Variants in PCDHGA1 observed in about 807,000 individuals in gnomAD.
The protein encoded by PCDHGA1 is protocadherin gamma subfamily A, 1, also known as protocadherin gamma-A1.
In PCDHGA1, 32 loss-of-function variants were observed where a neutral mutation model predicts 58.0. The observed-to-expected ratio is 0.55, with a 90% CI of 0.42 to 0.74. The LOEUF (loss-of-function observed/expected upper bound fraction) is 0.74. PCDHGA1 is among the 30% of genes least tolerant of loss of function. PCDHGA1 has a pLI of 0.00. For missense variants in PCDHGA1, 1,205 were observed against 1,182.3 expected (o/e 1.02, Z -0.28); for synonymous variants, 498 against 501.1 (o/e 0.99, Z 0.08).
intron 1 of PCDHGA1, chr5:141,418,463 C>A (rs1046926260): frequency 1.2e-6 from 2 of 1,613,826 alleles, no homozygotes; most frequent in Non-Finnish European, 1.7e-6. Context: ...GACTCTGGAC[C>A]GAGAAACGCA....
intron 1 of PCDHGA1, among the ~76,000 whole-genome samples, chr5:141,466,225 C>A (rs925594512): frequency 2.0e-5 from 3 of 152,028 alleles, no homozygotes; most frequent in Admixed American, 6.6e-5. Flanking sequence ...GGCTGGAGTG[C>A]AGTGGCACCA....
intron 3 of PCDHGA1, among the ~76,000 whole-genome samples, chr5:141,508,616 G>T (rs1007206932): frequency 6.6e-6 from 1 of 152,114 alleles, no homozygotes; most frequent in African/African-American, 2.4e-5. Flanking sequence ...ATAGGACGTG[G>T]GTGGGCCGAG....
intron 1 of PCDHGA1, among the ~76,000 whole-genome samples, chr5:141,425,819 A>C (rs1183860957): frequency 6.6e-6 from 1 of 152,246 alleles, no homozygotes; most frequent in Non-Finnish European, 1.5e-5. Flanking sequence ...TTAGAAAAAA[A>C]CAAACTTTTA....
chr5:141,409,462 C>G (rs377705841), intron 1 of PCDHGA1: 1 of 1,613,988 alleles, frequency 6.2e-7, no homozygotes, highest in African/African-American at 1.3e-5. Flanking sequence ...AATACAATGT[C>G]ACCATCGTAG....
At chr5:141,389,605 A>T in intron 1 of PCDHGA1, 1 of 1,613,092 alleles carries the variant, frequency 6.2e-7, no homozygotes, top group Non-Finnish European at 8.5e-7. Context: ...GCGCTCTTCG[A>T]TATGGTGCCG....
intron 1 of PCDHGA1, among the ~76,000 whole-genome samples, chr5:141,482,257 T>C (rs2099555476): frequency 1.3e-5 from 2 of 152,156 alleles, no homozygotes; most frequent in Admixed American, 1.3e-4. Context: ...ACTGTACATA[T>C]TAGTTGTTTA....
In PCDHGA1 at chr5:141,409,417, G is replaced by A. The variant is rs774453166; in HGVS notation, c.2421+76312G>A. ...CTTCCAATAACTACTACAAACTGGT[G>A]ACAGATGGAGCCCTGGACCGAGAGC... On this transcript the variant is annotated intron_variant, in intron 1 of 3. Transcript: ENST00000517417. The A allele has an allele frequency of 5.6e-6, 9 of 1,613,880 alleles. No individual in the cohort carries two copies. The South Asian group carries it at 8.8e-5, about 16-fold the overall frequency.
rs1214853229 is a variant in PCDHGA1 at position 141,432,238 on chromosome 5, GAA to G, written c.2422-62568_2422-62567del. ...CCCAGATCACTTATTCCCTGGCTGA[GAA>G]CACCATCCAAGGGGCAAGCCTATCG... On this transcript the variant is annotated intron_variant, in intron 1 of 3. Coordinates refer to ENST00000517417, the MANE Select transcript of PCDHGA1 (RefSeq NM_018912.3). The surrounding 1 kb of genome is among the most constrained non-coding windows in gnomAD (Gnocchi z 6.0). 1 of 1,614,216 alleles carries G rather than the reference GAA, an allele frequency of 6.2e-7. No homozygotes were observed. The highest frequency in any genetic ancestry group is 2.2e-5 in the East Asian group (1 of 44,882).
chr5:141,485,362 G>T lies in PCDHGA1; in HGVS notation c.2422-9445G>T. 6.2e-7 allele frequency: 1 copy of T among 1,614,144 alleles called. No individual in the cohort carries two copies. ...ATACGGACAGTCTGTCAGCTCGCAG[G>T]CTGCAGGTCGCTGGAGAGGTGAACC... is the stretch of plus-strand genomic sequence containing the variant. On this transcript the variant is annotated intron_variant, in intron 1 of 3. Coordinates refer to ENST00000517417, the MANE Select transcript of PCDHGA1 (RefSeq NM_018912.3). The surrounding 1 kb of genome is among the most constrained non-coding windows in gnomAD (Gnocchi z 5.7).
intron 1 of PCDHGA1, chr5:141,367,354 C>A (rs991967780): frequency 2.6e-5 from 4 of 151,972 alleles, no homozygotes; most frequent in African/African-American, 9.7e-5. Flanking sequence ...CTGGCTAACA[C>A]GGTGAAACCC....
intron 1 of PCDHGA1, among the ~76,000 whole-genome samples, chr5:141,461,253 C>A (rs1358900194): frequency 6.6e-6 from 1 of 152,108 alleles, no homozygotes; most frequent in Non-Finnish European, 1.5e-5. Flanking sequence ...ATATTCCCAG[C>A]AGCAATGTGT....
intron 1 of PCDHGA1, chr5:141,413,829 C>T (rs923860929): frequency 1.1e-5 from 18 of 1,613,176 alleles, no homozygotes; most frequent in Non-Finnish European, 1.4e-5. Flanking sequence ...TCCTCACCGC[C>T]TCCGACGGGG....
At chr5:141,438,635 TACAC>T (rs56854727) in intron 1 of PCDHGA1, among the ~76,000 whole-genome samples, 720 of 33,094 alleles carry the variant, frequency 0.022, 7 homozygotes, top group Middle Eastern at 0.05. Context: ...TATATATATA[TACAC>T]ACACACACAC....
At chr5:141,340,674 C>G (rs142481120) in intron 1 of PCDHGA1, 1 of 1,614,234 alleles carries the variant, frequency 6.2e-7, no homozygotes, top group Non-Finnish European at 8.5e-7. Context: ...CCTGCCTTCC[C>G]CACAGACGGT....
intron 1 of PCDHGA1, chr5:141,478,730 G>A: frequency 6.5e-7 from 1 of 1,538,906 alleles, no homozygotes; most frequent in South Asian, 1.2e-5. Flanking sequence ...GCCAGAGTGT[G>A]GTTTGTGGTC....
chr5:141,427,320 G>A (rs920149276), intron 1 of PCDHGA1: 5 of 456,968 alleles, frequency 1.1e-5, no homozygotes, highest in Non-Finnish European at 1.8e-5. Context: ...CCCAGACGTG[G>A]TTTTTACTTC....
chr5:141,364,186 T>A, intron 1 of PCDHGA1: 18 of 1,005,938 alleles, frequency 1.8e-5, no homozygotes, highest in Non-Finnish European at 2.5e-5. Flanking sequence ...CCCTCCATAC[T>A]AAACACACAG....
At position 141,381,826 on chromosome 5, in the gene PCDHGA1, C is replaced by CTTTTTTT. The variant is rs770630741; in HGVS notation, c.2421+48737_2421+48743dup. Among the ~76,000 whole-genome samples the CTTTTTTT allele has an allele frequency of 1.4e-3, 102 of 74,248 alleles. 2 individuals are homozygous for CTTTTTTT. The highest frequency in any genetic ancestry group is 1.7e-3 in the Non-Finnish European group (71 of 42,360). The allele number at this position is 74,248 out of a possible 152,430, so 48.7% of individuals were successfully genotyped here. ...TTTCTTTCTTTCTTTCTTTCTTCTT[C>CTTTTTTT]TTTTTTTTTTTTTTTTTTTTTTGGC... On this transcript the variant is annotated intron_variant, in intron 1 of 3. Transcript: ENST00000517417.
In PCDHGA1 at chr5:141,418,449, A is replaced by G. The variant is rs781224972; in HGVS notation, c.2422-76358A>G. ...GGCAAATATCCAGAATTAGTATTGC[A>G]GAAGACTCTGGACCGAGAAACGCAG... On this transcript the variant is annotated intron_variant, in intron 1 of 3. Coordinates refer to ENST00000517417, the MANE Select transcript of PCDHGA1 (RefSeq NM_018912.3). 8.1e-6 allele frequency: 13 copies of G among 1,613,922 alleles called. No homozygotes were observed. The Admixed American group carries it at 1.2e-4, about 14-fold the overall frequency.
Sources: gnomAD v4.1 joint callset for allele counts (sites outside exome capture counted in the v4.1 genomes callset) on GRCh38, gnomAD v4.1.1 for gene constraint, Gnocchi (gnomAD v3.1) non-coding constraint, MANE v1.5 for transcripts, NCBI Gene and HGNC (gene_info 2026-07-23, HGNC 2026-07-21) for gene names.